GRIN2A: variants seen among roughly 807,000 people sequenced by gnomAD.
GRIN2A encodes glutamate receptor ionotropic, NMDA 2A.
Under a neutral mutation model 113.4 loss-of-function variants are expected in GRIN2A, and 22 were observed. The ratio of observed to expected loss-of-function variants is 0.19; its 90% confidence interval spans 0.14 to 0.28. The LOEUF is 0.28. Among genes scored for constraint, GRIN2A ranks in the 10% least tolerant of loss-of-function variants. The probability of loss-of-function intolerance (pLI) is 1.00; values close to 1 mark genes in which losing one functional copy is unlikely to be tolerated. For synonymous variants in GRIN2A, 827 were observed against 738.4 expected (o/e 1.12, Z -1.94); for missense variants, 1,502 against 1,887.0 (o/e 0.80, Z 3.78).
chr16:9,984,014 C>G (rs4782149), intron 2 of GRIN2A, among the ~76,000 whole-genome samples: 87,854 of 152,102 alleles, frequency 0.58, 25,834 homozygotes, highest in African/African-American at 0.65. Flanking sequence ...AAATTCCCAC[C>G]AGCAATGTAT....
intron 2 of GRIN2A, among the ~76,000 whole-genome samples, chr16:9,947,838 G>A (rs1596352909): frequency 1.3e-5 from 2 of 152,002 alleles, no homozygotes; most frequent in East Asian, 3.9e-4. Context: ...AGGTTGTTGT[G>A]ATTGGGATAA....
intron 2 of GRIN2A, among the ~76,000 whole-genome samples, chr16:9,996,171 G>C (rs1382664352): frequency 1.3e-5 from 2 of 151,958 alleles, no homozygotes; most frequent in African/African-American, 4.8e-5. Flanking sequence ...GGGATAAGTT[G>C]AATGTCAGAA....
intron 11 of GRIN2A, among the ~76,000 whole-genome samples, chr16:9,781,618 C>T (rs1350125464): frequency 6.6e-6 from 1 of 152,114 alleles, no homozygotes. Context: ...ACCTTGGCCT[C>T]CTAAAGTGCT....
At chr16:10,147,708 T>C (rs1314783960) in intron 2 of GRIN2A, among the ~76,000 whole-genome samples, 1 of 150,506 alleles carries the variant, frequency 6.6e-6, no homozygotes, top group Non-Finnish European at 1.5e-5. Flanking sequence ...ATGAGGAGGA[T>C]CACCCCAAAA....
intron 2 of GRIN2A, among the ~76,000 whole-genome samples, chr16:10,035,053 T>C (rs2046999887): frequency 1.3e-5 from 2 of 149,286 alleles, no homozygotes; most frequent in Non-Finnish European, 1.5e-5. Flanking sequence ...AGAGACAGGG[T>C]CTCGTTCTGT....
At chr16:10,007,032 G>A (rs1163917469) in intron 2 of GRIN2A, among the ~76,000 whole-genome samples, 4 of 152,162 alleles carry the variant, frequency 2.6e-5, no homozygotes, top group African/African-American at 9.7e-5. Flanking sequence ...GCATTAATCT[G>A]TTGATGAACA....
chr16:9,771,199 CT>C (rs60641368), intron 11 of GRIN2A, among the ~76,000 whole-genome samples: 3,993 of 137,696 alleles, frequency 0.029, 72 homozygotes, highest in African/African-American at 0.063. Flanking sequence ...ATAGTCCCAT[CT>C]TTTTTTTTTT....
intron 2 of GRIN2A, among the ~76,000 whole-genome samples, chr16:9,997,178 A>AG (rs2046238691): frequency 6.6e-6 from 1 of 152,236 alleles, no homozygotes. Context: ...ACTGGCCTGT[A>AG]GACTTTCTAA....
rs142484747 is a variant in GRIN2A, at chr16:10,178,300, T to C, written c.414+1698A>G. 3.7e-3 allele frequency among the ~76,000 whole-genome samples: 558 copies of C among 152,326 alleles called. 6 individuals are homozygous for C. The highest frequency in any genetic ancestry group is 0.02 in the Middle Eastern group (6 of 294). Reference sequence around the variant, plus strand: ...CCTCCCACAAAATGAAACTGATCCCTTGTCCCTCCTGAAGATGGATGACAT... The same window carrying C: ...CCTCCCACAAAATGAAACTGATCCCCTGTCCCTCCTGAAGATGGATGACAT... On this transcript the variant is annotated intron_variant, in intron 2 of 12. Transcript: ENST00000330684.
Position 9,759,345 on chromosome 16 carries a change from A to G in GRIN2A, c.*3804T>C, listed in dbSNP as rs1410950116. On this transcript the variant is annotated 3_prime_UTR_variant, in exon 13 of 13. Coordinates refer to ENST00000330684, the MANE Select transcript of GRIN2A (RefSeq NM_001134407.3). ...ATTCTATTTGCAAATAATTCAGGGC[A>G]TTTGTCATTTCCTGTGAAGGATGCA... is the stretch of plus-strand genomic sequence containing the variant. 4.5e-6 allele frequency: 1 copy of G among 223,922 alleles called. No homozygotes were observed. The highest frequency in any genetic ancestry group is 8.9e-6 in the Non-Finnish European group (1 of 112,306). The allele number at this position is 223,922 out of a possible 1,614,324, so 13.9% of individuals were successfully genotyped here.
chr16:9,926,366 C>A (rs1457837003), intron 3 of GRIN2A, among the ~76,000 whole-genome samples: 1 of 152,186 alleles, frequency 6.6e-6, no homozygotes, highest in Non-Finnish European at 1.5e-5. Flanking sequence ...CCTCTCCAAT[C>A]TTGGGAAGCC....
chr16:10,179,590 A>G lies in GRIN2A; in HGVS notation c.414+408T>C, dbSNP rs1443001659. On this transcript the variant is annotated intron_variant, in intron 2 of 12. Transcript: ENST00000330684. The stretch of plus-strand genomic sequence containing the variant: ...AAGAGGAAAAAATGGACATTTTCCC[A>G]CAAAACAATCAGGTAAAACTGGCAT... 3 of 215,912 alleles carry G rather than the reference A, an allele frequency of 1.4e-5. No homozygotes were observed. The Admixed American group carries it at 1.5e-4, about 11-fold the overall frequency. The allele number at this position is 215,912 out of a possible 1,614,324, so 13.4% of individuals were successfully genotyped here. A position where few individuals can be genotyped will look rare whatever the true frequency, so the allele number is the denominator to read the frequency against.
intron 2 of GRIN2A, among the ~76,000 whole-genome samples, chr16:9,956,073 GC>G (rs997500335): frequency 6.6e-6 from 1 of 152,154 alleles, no homozygotes; most frequent in African/African-American, 2.4e-5. Context: ...ATTCTCAGGG[GC>G]TTGAATCAGC....
At chr16:9,839,718 C>G (rs1364376837) in intron 7 of GRIN2A, among the ~76,000 whole-genome samples, 1 of 152,058 alleles carries the variant, frequency 6.6e-6, no homozygotes, top group African/African-American at 2.4e-5. Context: ...TTTCAATATT[C>G]TAAGCAATAT....
At chr16:10,148,969 G>C (rs2049504941) in intron 2 of GRIN2A, among the ~76,000 whole-genome samples, 1 of 152,184 alleles carries the variant, frequency 6.6e-6, no homozygotes, top group Non-Finnish European at 1.5e-5. Context: ...GCCAGACACA[G>C]ATAGACAAAC....
At chr16:9,902,342 GAT>G (rs2043945370) in intron 3 of GRIN2A, among the ~76,000 whole-genome samples, 1 of 152,178 alleles carries the variant, frequency 6.6e-6, no homozygotes, top group Admixed American at 6.5e-5. Context: ...TTGCAATGCA[GAT>G]ATGATGGCTG....
intron 2 of GRIN2A, among the ~76,000 whole-genome samples, chr16:10,020,631 G>C (rs921615516): frequency 6.6e-6 from 1 of 152,084 alleles, no homozygotes; most frequent in Non-Finnish European, 1.5e-5. Context: ...CTAGCTATAC[G>C]ATACAAGGTT....
chr16:10,080,842 A>T (rs1003671671), intron 2 of GRIN2A, among the ~76,000 whole-genome samples: 1 of 152,104 alleles, frequency 6.6e-6, no homozygotes, highest in Non-Finnish European at 1.5e-5. Context: ...ACAGCCTTTG[A>T]AGGGCTTTCA....
At chr16:9,968,985 TATC>T (rs1394606448) in intron 2 of GRIN2A, among the ~76,000 whole-genome samples, 2 of 152,180 alleles carry the variant, frequency 1.3e-5, no homozygotes, top group Admixed American at 6.5e-5. Flanking sequence ...CTCACTATAT[TATC>T]ATTTTAATGT....
Sources: gnomAD v4.1 joint callset for allele counts (sites outside exome capture counted in the v4.1 genomes callset) on GRCh38, gnomAD v4.1.1 for gene constraint, MANE v1.5 for transcripts, NCBI Gene and HGNC (gene_info 2026-07-23, HGNC 2026-07-21) for gene names.